Variants in ZC3H12C observed in about 807,000 individuals in gnomAD.
ZC3H12C encodes the protein probable ribonuclease ZC3H12C.
A neutral mutation model predicts 76.3 loss-of-function variants in ZC3H12C; 20 were observed. The ratio of observed to expected loss-of-function variants is 0.26; its 90% CI spans 0.18 to 0.38. The LOEUF (loss-of-function observed/expected upper bound fraction) is 0.38, where lower values mean the gene tolerates loss of function less well. Ranked by LOEUF, ZC3H12C falls within the 10% of genes least tolerant of loss-of-function variation. The pLI, the probability that ZC3H12C is intolerant of heterozygous loss-of-function variation, is 1.00. For synonymous variants in ZC3H12C, 352 were observed against 399.6 expected (o/e 0.88, Z 1.42); for missense variants, 874 against 1,086.5 (o/e 0.80, Z 2.75).
intron 2 of ZC3H12C, among the ~76,000 whole-genome samples, chr11:110,151,106 A>G (rs1208996581): frequency 6.6e-6 from 1 of 151,854 alleles, no homozygotes; most frequent in East Asian, 1.9e-4. Context: ...GAGAGGGAGG[A>G]TAATGAAACA....
Position 110,170,017 on chromosome 11 carries a change from T to C in ZC3H12C, c.*4280T>C, listed in dbSNP as rs1210911407. The C allele has an allele frequency of 6.6e-6, 1 of 152,240 alleles. No individual in the cohort carries two copies. Among genetic ancestry groups the C allele is most frequent in the Non-Finnish European group, 1.5e-5 (1 of 68,020 alleles). The allele number at this position is 152,240 out of a possible 1,614,324, so 9.4% of individuals were successfully genotyped here. ...TTTGCTGATCTCAAGCAGTAAATCCTGGTATATGTTAATAGAAGAAATCAT... is the reference window on the plus strand; with the variant it reads ...TTTGCTGATCTCAAGCAGTAAATCCCGGTATATGTTAATAGAAGAAATCAT... On this transcript the variant is annotated 3_prime_UTR_variant, in exon 6 of 6. Coordinates refer to ENST00000278590, the MANE Select transcript of ZC3H12C (RefSeq NM_033390.2).
At chr11:110,159,742 C>T (rs916767584) in intron 4 of ZC3H12C, among the ~76,000 whole-genome samples, 2 of 152,200 alleles carry the variant, frequency 1.3e-5, no homozygotes, top group African/African-American at 4.8e-5. Flanking sequence ...AGGAAGTCTT[C>T]TAAGACTATG....
chr11:110,122,426 G>A (rs1433842789), intron 1 of ZC3H12C, among the ~76,000 whole-genome samples: 2 of 152,038 alleles, frequency 1.3e-5, no homozygotes, highest in South Asian at 2.1e-4. Context: ...AATCAATCAT[G>A]TGCCTTCTGC....
intron 1 of ZC3H12C, among the ~76,000 whole-genome samples, chr11:110,131,271 G>A (rs897511589): frequency 1.1e-4 from 17 of 152,204 alleles, no homozygotes; most frequent in Non-Finnish European, 2.5e-4. Context: ...ATATGTCTGC[G>A]AAGCAGATTT....
At chr11:110,142,558 A>G (rs1862085890) in intron 2 of ZC3H12C, among the ~76,000 whole-genome samples, 2 of 152,292 alleles carry the variant, frequency 1.3e-5, no homozygotes, top group South Asian at 4.1e-4. Flanking sequence ...GGCGAAGGAA[A>G]TCTTTTTTCC....
intron 3 of ZC3H12C, among the ~76,000 whole-genome samples, chr11:110,158,392 C>T (rs530239787): frequency 3.3e-5 from 5 of 152,154 alleles, no homozygotes; most frequent in Admixed American, 3.3e-4. Flanking sequence ...CGCCTGTAAT[C>T]CCAGCTACTC....
At chr11:110,145,611 G>C (rs920222514) in intron 2 of ZC3H12C, among the ~76,000 whole-genome samples, 2 of 148,236 alleles carry the variant, frequency 1.3e-5, no homozygotes, top group East Asian at 1.9e-4. Context: ...GGGCGGGGGG[G>C]AGTTGCAGTG....
intron 1 of ZC3H12C, 104 bp downstream of exon 1, chr11:110,093,536 GA>G: frequency 1.2e-6 from 1 of 862,872 alleles, no homozygotes. Flanking sequence ...GCGCCAGGCG[GA>G]GGGCGCCGGG....
intron 4 of ZC3H12C, among the ~76,000 whole-genome samples, chr11:110,161,625 C>T (rs1229615799): frequency 2.0e-5 from 3 of 152,122 alleles, no homozygotes; most frequent in African/African-American, 7.2e-5. Flanking sequence ...GGCAGAGGTT[C>T]ACAGAAGCCT....
rs372574677 is a variant in ZC3H12C, at chr11:110,159,392, T to C, written c.1050T>C (p.Ile350=). The C allele has an allele frequency of 6.2e-6, 10 of 1,613,922 alleles. No individual in the cohort carries two copies. The highest frequency in any genetic ancestry group is 1.1e-5 in the South Asian group (1 of 91,028). ...VKLAFESDGI[I]VSNDNYRDLA... ...TGGCTTTTGAGTCGGACGGTATCATTGTGTCCAATGATAACTACAGGGACT... is the reference window on the plus strand; with the variant it reads ...TGGCTTTTGAGTCGGACGGTATCATCGTGTCCAATGATAACTACAGGGACT... The change falls in exon 4 of 6, where the codon ATT becomes ATC. Residue 350 remains isoleucine (I), a synonymous_variant. Transcript: ENST00000278590.
intron 1 of ZC3H12C, among the ~76,000 whole-genome samples, chr11:110,135,484 C>T (rs1244839166): frequency 9.1e-6 from 1 of 109,604 alleles, no homozygotes; most frequent in African/African-American, 3.6e-5. Context: ...AGTGAGACTC[C>T]CGTCTCAAAA....
At chr11:110,120,623 C>T in intron 1 of ZC3H12C, among the ~76,000 whole-genome samples, 1 of 152,152 alleles carries the variant, frequency 6.6e-6, no homozygotes, top group East Asian at 1.9e-4. Context: ...TCCCTGCACA[C>T]TTGTCTGTGG....
rs778313730 is a variant in ZC3H12C at position 110,165,312 on chromosome 11, TTGG to T, written c.2231_2233del (p.Val744del). ...TAAGGCACCACACCTAGGGAGGTCCTTGGTGGCCACGAGAATAGACAGCATCTC... is the reference window on the plus strand; with the variant it reads ...TAAGGCACCACACCTAGGGAGGTCCTTGGCCACGAGAATAGACAGCATCTC... On this transcript the variant is annotated inframe_deletion, in exon 6 of 6. Coordinates refer to ENST00000278590, the MANE Select transcript of ZC3H12C (RefSeq NM_033390.2). 2 of 1,613,912 alleles carry T rather than the reference TTGG, an allele frequency of 1.2e-6. No individual in the cohort carries two copies. Among genetic ancestry groups the T allele is most frequent in the African/African-American group, 2.7e-5 (2 of 74,948 alleles).
chr11:110,153,767 A>G (rs1456405926), intron 3 of ZC3H12C, among the ~76,000 whole-genome samples: 1 of 152,202 alleles, frequency 6.6e-6, no homozygotes, highest in Non-Finnish European at 1.5e-5. Context: ...TCTAATAACA[A>G]CAGTTCAAAA....
chr11:110,116,938 A>T (rs1861536926), intron 1 of ZC3H12C, among the ~76,000 whole-genome samples: 1 of 152,186 alleles, frequency 6.6e-6, no homozygotes, highest in South Asian at 2.1e-4. Context: ...TTTTCTTTGT[A>T]CTTTATACTA....
At chr11:110,140,726 G>A (rs17110821) in intron 2 of ZC3H12C, among the ~76,000 whole-genome samples, 6,363 of 152,244 alleles carry the variant, frequency 0.042, 422 homozygotes, top group Admixed American at 0.17. Context: ...TTGCATGTTC[G>A]TGTGGAGTAT....
chr11:110,105,388 A>C (rs1056097526), intron 1 of ZC3H12C, among the ~76,000 whole-genome samples: 17 of 152,220 alleles, frequency 1.1e-4, no homozygotes, highest in Non-Finnish European at 2.4e-4. Context: ...TAGTTTTGCT[A>C]AGATAGAAAA....
intron 1 of ZC3H12C, among the ~76,000 whole-genome samples, chr11:110,129,376 C>T (rs969779890): frequency 6.6e-6 from 1 of 152,092 alleles, no homozygotes; most frequent in African/African-American, 2.4e-5. Flanking sequence ...ATAACTGAAA[C>T]ATCTTAACCA....
chr11:110,155,008 C>G (rs1217323008), intron 3 of ZC3H12C, among the ~76,000 whole-genome samples: 2 of 152,090 alleles, frequency 1.3e-5, no homozygotes, highest in Non-Finnish European at 2.9e-5. Context: ...GCAGAGATGG[C>G]CAGATGCAGT....
Sources: gnomAD v4.1 joint callset for allele counts (sites outside exome capture counted in the v4.1 genomes callset) on GRCh38, gnomAD v4.1.1 for gene constraint, MANE v1.5 for transcripts, NCBI Gene and HGNC (gene_info 2026-07-23, HGNC 2026-07-21) for gene names.